AFAP1: variants seen among roughly 807,000 people sequenced by gnomAD.
AFAP1 encodes the protein actin filament associated protein 1.
A neutral mutation model predicts 93.9 loss-of-function variants in AFAP1; 75 were observed. The ratio of observed to expected loss-of-function variants is 0.80; its 90% CI spans 0.66 to 0.97. The LOEUF is 0.97. AFAP1 is among the 50% of genes least tolerant of loss of function. The pLI is 0.00. For synonymous variants in AFAP1, 517 were observed against 430.7 expected, an observed-to-expected ratio of 1.20 and a Z score of -2.48; for missense variants, 1,201 against 1,050.8, an observed-to-expected ratio of 1.14 and a Z score of -1.98.
intron 12 of AFAP1, among the ~76,000 whole-genome samples, 194 bp from the exon 13 acceptor site, chr4:7,781,821 G>T (rs1716805864): frequency 6.6e-6 from 1 of 151,988 alleles, no homozygotes; most frequent in South Asian, 2.1e-4. Context: ...TACACACACA[G>T]ACCCAACACA....
chr4:7,830,152 G>T (rs1187241271), intron 6 of AFAP1, among the ~76,000 whole-genome samples: 1 of 152,198 alleles, frequency 6.6e-6, no homozygotes, highest in African/African-American at 2.4e-5. Flanking sequence ...CTATGGGGCG[G>T]GGCGAGGGGG....
At chr4:7,770,080 T>A (rs956133105) in intron 16 of AFAP1, among the ~76,000 whole-genome samples, 1 of 152,204 alleles carries the variant, frequency 6.6e-6, no homozygotes. Flanking sequence ...TGCAGAGTGC[T>A]TCCCCAGATG....
chr4:7,873,342 C>CTTTTT lies in AFAP1; in HGVS notation c.-2-1267_-2-1263dup, dbSNP rs1158765422. Among the ~76,000 whole-genome samples the CTTTTT allele has an allele frequency of 5.3e-4, 27 of 51,016 alleles. 9 individuals carry two copies. The highest frequency in any genetic ancestry group is 2.2e-3 in the South Asian group (2 of 930). 33.5% of individuals were successfully genotyped at this position (51,016 alleles called of 152,430 possible). ...TTAAATCTAACCTTTGAAGACACACCTTTTTTTTTTTTTTTTTTTTTTTTT... is the reference window on the plus strand; with the variant it reads ...TTAAATCTAACCTTTGAAGACACACCTTTTTTTTTTTTTTTTTTTTTTTTTTTTTT... On this transcript the variant is annotated intron_variant, in intron 1 of 17. Coordinates refer to ENST00000420658, the MANE Select transcript of AFAP1 (RefSeq NM_001134647.2).
chr4:7,879,948 C>T (rs921693914), intron 1 of AFAP1, among the ~76,000 whole-genome samples: 4 of 151,802 alleles, frequency 2.6e-5, no homozygotes, highest in African/African-American at 7.3e-5. Flanking sequence ...TCCAGACATG[C>T]GCCCCGCCGC....
chr4:7,921,854 G>A (rs182401806), intron 1 of AFAP1, among the ~76,000 whole-genome samples: 2 of 152,344 alleles, frequency 1.3e-5, no homozygotes, highest in Non-Finnish European at 2.9e-5. Flanking sequence ...GGCCGGGCGC[G>A]GTGGCTCACG....
In AFAP1 at chr4:7,831,295, A is replaced by G. The variant is rs79853404; in HGVS notation, c.726+7229T>C. 9.6e-3 allele frequency among the ~76,000 whole-genome samples: 1,457 copies of G among 152,200 alleles called. 42 individuals are homozygous for G. The highest frequency in any genetic ancestry group is 0.058 in the East Asian group (298 of 5,172). The stretch of plus-strand genomic sequence containing the variant: ...TTATATGTACTGGAAGTAACATCAC[A>G]GACATGAAAAATAGAGTAACTGAAC... On this transcript the variant is annotated intron_variant, in intron 6 of 17. Transcript: ENST00000420658.
At chr4:7,838,976 C>A (rs1712659442) in intron 5 of AFAP1, among the ~76,000 whole-genome samples, 1 of 152,144 alleles carries the variant, frequency 6.6e-6, no homozygotes, top group African/African-American at 2.4e-5. Flanking sequence ...CCAAAAGTCC[C>A]TACTCTGATA....
intron 1 of AFAP1, among the ~76,000 whole-genome samples, chr4:7,885,698 C>T (rs1718105585): frequency 6.6e-6 from 1 of 152,212 alleles, no homozygotes; most frequent in South Asian, 2.1e-4. Flanking sequence ...TTCCTGAGAT[C>T]TGCTTCAAAG....
intron 6 of AFAP1, among the ~76,000 whole-genome samples, chr4:7,830,894 AG>A (rs771952499): frequency 1.3e-5 from 2 of 152,174 alleles, no homozygotes; most frequent in South Asian, 2.1e-4. Flanking sequence ...CAGAAGTGAA[AG>A]TATTTTTTTA....
At chr4:7,925,145 G>A (rs1720657520) in intron 1 of AFAP1, among the ~76,000 whole-genome samples, 1 of 151,734 alleles carries the variant, frequency 6.6e-6, no homozygotes, top group African/African-American at 2.4e-5. Context: ...TCCTCATAGG[G>A]TCGGCCTTCC....
intron 5 of AFAP1, among the ~76,000 whole-genome samples, chr4:7,840,408 G>T (rs2149109771): frequency 6.7e-6 from 1 of 150,058 alleles, no homozygotes; most frequent in African/African-American, 2.5e-5. Context: ...CCCCCTCCTG[G>T]GTTCAAGCGA....
intron 7 of AFAP1, among the ~76,000 whole-genome samples, chr4:7,817,704 A>G (rs1303641325): frequency 1.3e-5 from 2 of 152,108 alleles, no homozygotes; most frequent in African/African-American, 4.8e-5. Context: ...AAAATGTAAA[A>G]ATGTTTGTGG....
At chr4:7,876,012 A>G (rs533293385) in intron 1 of AFAP1, among the ~76,000 whole-genome samples, 99 of 152,314 alleles carry the variant, frequency 6.5e-4, no homozygotes, top group Non-Finnish European at 6.5e-4. Flanking sequence ...TGGTGAATAT[A>G]CCTAATGACA....
rs149529099 is a variant in AFAP1 at position 7,828,976 on chromosome 4, G to A, written c.726+9548C>T. Among the ~76,000 whole-genome samples the A allele has an allele frequency of 5.3e-3, 813 of 152,294 alleles. 6 individuals carry two copies. Among genetic ancestry groups the A allele is most frequent in the African/African-American group, 0.015 (624 of 41,566 alleles). On this transcript the variant is annotated intron_variant, in intron 6 of 17. Coordinates refer to ENST00000420658, the MANE Select transcript of AFAP1 (RefSeq NM_001134647.2). ...TGGGAGGTAATTGAATCATGGGGGC[G>A]GTTACCTTCATGCTGTTCTCGTGAT...
chr4:7,936,907 C>A (rs1721421923), intron 1 of AFAP1, among the ~76,000 whole-genome samples: 1 of 152,088 alleles, frequency 6.6e-6, no homozygotes, highest in Admixed American at 6.6e-5. Context: ...AACTAGGCTT[C>A]AAACCATTAC....
At chr4:7,837,096 A>T (rs1423911323) in intron 6 of AFAP1, among the ~76,000 whole-genome samples, 1 of 152,208 alleles carries the variant, frequency 6.6e-6, no homozygotes, top group African/African-American at 2.4e-5. Context: ...ACGTCAAGTA[A>T]ACGTTTCTAA....
intron 1 of AFAP1, among the ~76,000 whole-genome samples, chr4:7,890,898 C>G (rs1168059215): frequency 6.6e-6 from 1 of 152,060 alleles, no homozygotes; most frequent in Non-Finnish European, 1.5e-5. Flanking sequence ...ACCATGAGAT[C>G]CAGTAATGCC....
chr4:7,923,682 G>T (rs1720557675), intron 1 of AFAP1, among the ~76,000 whole-genome samples: 2 of 152,126 alleles, frequency 1.3e-5, no homozygotes, highest in Admixed American at 1.3e-4. Context: ...TTTCAGGATG[G>T]TCTCAATCTC....
intron 3 of AFAP1, among the ~76,000 whole-genome samples, chr4:7,863,765 GACA>G (rs2149164075): frequency 6.6e-6 from 1 of 152,222 alleles, no homozygotes; most frequent in East Asian, 1.9e-4. Flanking sequence ...AAAAGTAAAA[GACA>G]ACCTTATTTG....
Sources: gnomAD v4.1 joint callset for allele counts (sites outside exome capture counted in the v4.1 genomes callset) on GRCh38, gnomAD v4.1.1 for gene constraint, MANE v1.5 for transcripts, NCBI Gene and HGNC (gene_info 2026-07-23, HGNC 2026-07-21) for gene names.